SLC27A6: variants seen among roughly 807,000 people sequenced by gnomAD.
SLC27A6 encodes long-chain fatty acid transport protein 6.
Under a neutral mutation model 63.9 loss-of-function variants are expected in SLC27A6, and 74 were observed. The ratio of observed to expected loss-of-function variants is 1.16; its 90% confidence interval spans 0.96 to 1.40. The LOEUF (loss-of-function observed/expected upper bound fraction) is 1.40, where lower values mean the gene tolerates loss of function less well. SLC27A6 is among the 40% of genes most tolerant of loss of function. SLC27A6 has a pLI of 0.00. For synonymous variants in SLC27A6, 287 were observed against 260.8 expected, an observed-to-expected ratio of 1.10 and a Z score of -0.97; for missense variants, 794 against 732.9, an observed-to-expected ratio of 1.08 and a Z score of -0.96.
rs771795309 is a variant in SLC27A6, at chr5:128,985,182, C to T, written c.531C>T (p.Ile177=). 2 of 1,613,940 alleles carry T rather than the reference C, an allele frequency of 1.2e-6. No homozygotes were observed. Among genetic ancestry groups the T allele is most frequent in the South Asian group, 1.1e-5 (1 of 91,074 alleles). ...EEILPSLSEN[I]SVWGMKDSVP... is the part of the protein sequence containing the mutation. ...TCCTTCCAAGCCTCTCAGAAAATAT[C>T]AGTGTTTGGGGGATGAAAGATTCTG... Residue 177 remains isoleucine, a synonymous_variant, in exon 2 of 10, where the codon ATC becomes ATT. Coordinates refer to ENST00000262462, the MANE Select transcript of SLC27A6 (RefSeq NM_001017372.3).
At chr5:128,969,635 G>C (rs981268505) in intron 1 of SLC27A6, among the ~76,000 whole-genome samples, 1 of 152,314 alleles carries the variant, frequency 6.6e-6, no homozygotes, top group South Asian at 2.1e-4. Context: ...GACTGCTGAA[G>C]TTGCTTATCA....
chr5:128,971,007 C>T (rs536116685), intron 1 of SLC27A6, among the ~76,000 whole-genome samples: 32 of 152,260 alleles, frequency 2.1e-4, no homozygotes, highest in African/African-American at 1.2e-4. Context: ...GCCTTCATTT[C>T]GTTATTTACC....
chr5:128,988,699 C>T lies in SLC27A6; in HGVS notation c.785C>T (p.Thr262Ile), dbSNP rs201229452. Reference protein sequence around the residue: ...GCTAHDIVYITLPLYHSSAAI... With the variant: ...GCTAHDIVYIILPLYHSSAAI... ...ACTGCTCATGACATTGTTTATATAA[C>T]CCTTCCTCTGTATCATAGTTCAGCA... The change falls in exon 3 of 10, where the codon ACC becomes ATC. Residue 262 changes from threonine (T) to isoleucine (I), a missense_variant. Coordinates refer to ENST00000262462, the MANE Select transcript of SLC27A6 (RefSeq NM_001017372.3). 17 of 1,613,610 alleles carry T rather than the reference C, an allele frequency of 1.1e-5. No individual in the cohort carries two copies. Among genetic ancestry groups the T allele is most frequent in the Non-Finnish European group, 1.4e-5 (17 of 1,179,744 alleles).
At chr5:128,984,606 C>A (rs960802171) in intron 1 of SLC27A6, among the ~76,000 whole-genome samples, 10 of 152,192 alleles carry the variant, frequency 6.6e-5, no homozygotes, top group African/African-American at 1.9e-4. Context: ...CTCTCTCCCA[C>A]CCTCCCCCAT....
rs1437249911 is a variant in SLC27A6, at chr5:128,968,829, G to T, written c.481+2211G>T. 3.3e-5 allele frequency among the ~76,000 whole-genome samples: 5 copies of T among 152,128 alleles called. 1 individual carries two copies. Among genetic ancestry groups the T allele is most frequent in the Non-Finnish European group, 7.4e-5 (5 of 68,024 alleles). Reference sequence around the variant, plus strand: ...TTGCTTTTGGTGTTTTAGACATGAAGTCCTTGCCCATGCCTATGTCCTGAA... The same window carrying T: ...TTGCTTTTGGTGTTTTAGACATGAATTCCTTGCCCATGCCTATGTCCTGAA... On this transcript the variant is annotated intron_variant, in intron 1 of 9. Coordinates refer to ENST00000262462, the MANE Select transcript of SLC27A6 (RefSeq NM_001017372.3).
intron 1 of SLC27A6, among the ~76,000 whole-genome samples, chr5:128,970,709 G>C (rs1750117149): frequency 6.6e-6 from 1 of 151,884 alleles, no homozygotes; most frequent in African/African-American, 2.4e-5. Flanking sequence ...CAGAAAACCA[G>C]CTCCTGGATT....
At chr5:129,029,474 A>G in intron 8 of SLC27A6, 103 bp from the exon 9 acceptor site, 1 of 725,186 alleles carries the variant, frequency 1.4e-6, no homozygotes. Flanking sequence ...ATTATTACTG[A>G]AATAGATTTA....
intron 9 of SLC27A6, among the ~76,000 whole-genome samples, chr5:129,030,188 C>T (rs1752371304): frequency 6.6e-6 from 1 of 151,940 alleles, no homozygotes; most frequent in African/African-American, 2.4e-5. Flanking sequence ...GTGAGAAATT[C>T]TGAGTTTATT....
At chr5:129,008,119 T>C (rs1463323361) in intron 4 of SLC27A6, among the ~76,000 whole-genome samples, 1 of 152,194 alleles carries the variant, frequency 6.6e-6, no homozygotes, top group Non-Finnish European at 1.5e-5. Context: ...TATGTGTATA[T>C]TTCAACATCA....
At chr5:129,012,334 TG>T (rs1219350421) in intron 4 of SLC27A6, among the ~76,000 whole-genome samples, 1 of 152,102 alleles carries the variant, frequency 6.6e-6, no homozygotes, top group Non-Finnish European at 1.5e-5. Flanking sequence ...ATAGTTTGAA[TG>T]AAGCTTAATG....
At chr5:128,976,479 A>C (rs200403334) in intron 1 of SLC27A6, among the ~76,000 whole-genome samples, 3 of 152,216 alleles carry the variant, frequency 2.0e-5, no homozygotes, top group Non-Finnish European at 2.9e-5. Flanking sequence ...GTGCCATTGC[A>C]CTCCAGCCTA....
At chr5:129,022,006 A>G (rs955275578) in intron 5 of SLC27A6, among the ~76,000 whole-genome samples, 2 of 152,184 alleles carry the variant, frequency 1.3e-5, no homozygotes, top group African/African-American at 4.8e-5. Flanking sequence ...CAGGAGAGAA[A>G]AGAATAAGTA....
rs949068600 is a variant in SLC27A6, at chr5:128,966,550, A to G, written c.413A>G (p.Asn138Ser). The G allele has an allele frequency of 2.9e-5, 46 of 1,579,548 alleles. No individual in the cohort carries two copies. Among genetic ancestry groups the G allele is most frequent in the Non-Finnish European group, 3.6e-5 (42 of 1,166,940 alleles). ...TGCGTGGTGGCCTTTCTCAACACCA[A>G]CATTCGCTCCAACTCCCTCCTGAAT... ...LGCVVAFLNT[N>S]IRSNSLLNCI... Residue 138 changes from asparagine (N) to serine (S), a missense_variant, in exon 1 of 10, where the codon AAC becomes AGC. Asn to Ser is a conservative substitution (Grantham distance 46). Transcript: ENST00000262462.
Position 128,966,151 on chromosome 5 carries a change from G to A in SLC27A6, c.14G>A (p.Trp5Ter). The A allele has an allele frequency of 6.5e-7, 1 of 1,546,240 alleles. No homozygotes were observed. Among genetic ancestry groups the A allele is most frequent in the Non-Finnish European group, 8.7e-7 (1 of 1,150,178 alleles). MLLS[W>*]LTVLGAGMVV... The stretch of plus-strand genomic sequence containing the variant: ...CCAGTTGCCCCCATGCTTCTGTCAT[G>A]GCTAACAGTTCTAGGGGCTGGAATG... Residue 5 changes from tryptophan (W) to a stop codon, truncating the protein, a stop_gained, in exon 1 of 10, where the codon TGG becomes TAG. Transcript: ENST00000262462. LOFTEE classifies it high-confidence loss of function.
chr5:128,965,888 CTGCTT>C lies in SLC27A6; in HGVS notation c.-248_-244del. ...GTTTCTCGCAGGAGTCGGAGGCTCC[CTGCTT>C]TCCAGCCGCCCAGTGACCCAAGCTT... On this transcript the variant is annotated 5_prime_UTR_variant, in exon 1 of 10. Coordinates refer to ENST00000262462, the MANE Select transcript of SLC27A6 (RefSeq NM_001017372.3). 2.6e-6 allele frequency: 1 copy of C among 382,692 alleles called. No homozygotes were observed. 23.7% of individuals were successfully genotyped at this position (382,692 alleles called of 1,614,324 possible).
intron 4 of SLC27A6, among the ~76,000 whole-genome samples, chr5:128,992,597 T>A (rs922713025): frequency 4.6e-5 from 7 of 152,192 alleles, no homozygotes; most frequent in South Asian, 2.1e-4. Context: ...GTTTTACATT[T>A]TTTAAATATT....
chr5:129,026,846 G>A (rs754793202), intron 6 of SLC27A6, among the ~76,000 whole-genome samples: 43 of 152,114 alleles, frequency 2.8e-4, no homozygotes, highest in Admixed American at 1.6e-3. Context: ...AAAAATAGCC[G>A]TTGGTCTATC....
At chr5:128,968,071 T>A (rs1749978384) in intron 1 of SLC27A6, among the ~76,000 whole-genome samples, 1 of 152,182 alleles carries the variant, frequency 6.6e-6, no homozygotes, top group Non-Finnish European at 1.5e-5. Flanking sequence ...TTCATCCATG[T>A]CCCTACAAAG....
intron 4 of SLC27A6, among the ~76,000 whole-genome samples, chr5:129,004,045 C>T (rs981029275): frequency 4.7e-5 from 7 of 150,122 alleles, no homozygotes; most frequent in Admixed American, 6.6e-5. Flanking sequence ...ACTCAGAGAA[C>T]GTGTCTGACC....
Sources: allele counts gnomAD v4.1 joint callset (sites outside exome capture counted in the v4.1 genomes callset), GRCh38; gene constraint gnomAD v4.1.1; transcripts MANE v1.5; gene names NCBI Gene and HGNC (gene_info 2026-07-23, HGNC 2026-07-21).